The following TENM4 variants were observed in gnomAD, a reference collection of about 807,000 sequenced individuals.
TENM4 encodes teneurin transmembrane protein 4.
A neutral mutation model predicts 243.3 loss-of-function variants in TENM4; 82 were observed. That is an observed-to-expected ratio of 0.34 (90% CI 0.28 to 0.40). TENM4 has a LOEUF of 0.40. TENM4 is among the 10% of genes least tolerant of loss of function. The pLI, the probability that TENM4 is intolerant of heterozygous loss-of-function variation, is 1.00. For missense variants in TENM4, 3,138 were observed against 3,673.3 expected (o/e 0.85, Z 3.77); for synonymous variants, 1,412 against 1,456.3 (o/e 0.97, Z 0.69).
At chr11:79,165,704 G>T (rs1862895698) in intron 3 of TENM4, among the ~76,000 whole-genome samples, 1 of 152,124 alleles carries the variant, frequency 6.6e-6, no homozygotes, top group Non-Finnish European at 1.5e-5. Flanking sequence ...TGATCATAAA[G>T]TCTTTGTCTA....
chr11:78,704,727 G>A (rs1859201471), intron 27 of TENM4, among the ~76,000 whole-genome samples: 1 of 152,152 alleles, frequency 6.6e-6, no homozygotes, highest in South Asian at 2.1e-4. Flanking sequence ...TAAGATTAAA[G>A]GTGATTTTAA....
intron 1 of TENM4, among the ~76,000 whole-genome samples, chr11:79,437,440 T>A (rs1316097703): frequency 6.6e-6 from 1 of 152,010 alleles, no homozygotes; most frequent in Non-Finnish European, 1.5e-5. Flanking sequence ...GACCCTGCAC[T>A]GTGCCGCGCG....
At chr11:79,006,232 C>A (rs1858482141) in intron 6 of TENM4, among the ~76,000 whole-genome samples, 1 of 152,140 alleles carries the variant, frequency 6.6e-6, no homozygotes, top group Non-Finnish European at 1.5e-5. Context: ...TACTCAGTAC[C>A]TCCCTTTCTA....
intron 2 of TENM4, among the ~76,000 whole-genome samples, chr11:79,217,002 C>CT (rs1163172642): frequency 6.6e-6 from 1 of 152,154 alleles, no homozygotes; most frequent in African/African-American, 2.4e-5. Flanking sequence ...TGACTTCCCC[C>CT]CTCTAAGCCT....
intron 5 of TENM4, among the ~76,000 whole-genome samples, chr11:79,066,728 ACG>A (rs1228060665): frequency 4.0e-5 from 5 of 126,474 alleles, no homozygotes; most frequent in African/African-American, 1.5e-4. Flanking sequence ...TCGAGCACAC[ACG>A]CGCACGCACA....
At chr11:78,918,131 C>A (rs777643235) in intron 6 of TENM4, among the ~76,000 whole-genome samples, 36 of 152,136 alleles carry the variant, frequency 2.4e-4, no homozygotes, top group Non-Finnish European at 4.3e-4. Flanking sequence ...ATAATTTCCA[C>A]CCCTCACTGA....
chr11:78,787,817 A>G (rs1540123), intron 15 of TENM4, among the ~76,000 whole-genome samples: 125,425 of 152,210 alleles, frequency 0.82, 52,349 homozygotes, highest in Non-Finnish European at 0.88. Context: ...GGAGCTGCCC[A>G]CCCTTCACAA....
chr11:78,904,359 C>CAAAAAAAAAAAAAAAAAAAA lies in TENM4; in HGVS notation c.494-837_494-836insTTTTTTTTTTTTTTTTTTTT, dbSNP rs61503457. Among the ~76,000 whole-genome samples, 101 of 77,190 alleles carry CAAAAAAAAAAAAAAAAAAAA rather than the reference C, an allele frequency of 1.3e-3. 5 individuals carry two copies. The highest frequency in any genetic ancestry group is 7.0e-3 in the African/African-American group (92 of 13,170). 50.6% of individuals were successfully genotyped at this position (77,190 alleles called of 152,430 possible). Reference sequence around the variant, plus strand: ...TGAGCTACAGAGCAAGACTCTGTCTCAAAAAAAAAAAAAAAAGTAAAACAT... The same window carrying CAAAAAAAAAAAAAAAAAAAA: ...TGAGCTACAGAGCAAGACTCTGTCTCAAAAAAAAAAAAAAAAAAAAAAAAAAAAAAAAAAAAGTAAAACAT... On this transcript the variant is annotated intron_variant, in intron 6 of 33. Transcript: ENST00000278550.
At chr11:79,394,093 G>A (rs905645953) in intron 1 of TENM4, among the ~76,000 whole-genome samples, 1 of 152,194 alleles carries the variant, frequency 6.6e-6, no homozygotes, top group South Asian at 2.1e-4. Context: ...CCTCACCTGC[G>A]GAAATGCCCA....
chr11:79,157,006 T>C (rs1291189571), intron 3 of TENM4, among the ~76,000 whole-genome samples: 1 of 152,140 alleles, frequency 6.6e-6, no homozygotes, highest in African/African-American at 2.4e-5. Context: ...CACACAAGGA[T>C]GCTCAGTGAA....
intron 16 of TENM4, among the ~76,000 whole-genome samples, chr11:78,783,370 T>C (rs1238173599): frequency 6.6e-6 from 1 of 152,208 alleles, no homozygotes; most frequent in Non-Finnish European, 1.5e-5. Context: ...GGGTTTCATA[T>C]ATGCAAGTGG....
At chr11:79,224,625 G>A (rs1864226337) in intron 2 of TENM4, among the ~76,000 whole-genome samples, 1 of 152,136 alleles carries the variant, frequency 6.6e-6, no homozygotes, top group South Asian at 2.1e-4. Flanking sequence ...ATTAGGGCAG[G>A]CCCTAATCTA....
chr11:79,401,129 A>G (rs1260999912), intron 1 of TENM4, among the ~76,000 whole-genome samples: 2 of 152,272 alleles, frequency 1.3e-5, no homozygotes, highest in Non-Finnish European at 2.9e-5. Flanking sequence ...CAAGGGATCC[A>G]TGGAGGTATA....
intron 6 of TENM4, among the ~76,000 whole-genome samples, chr11:78,983,316 G>A (rs1857843872): frequency 6.6e-6 from 1 of 152,174 alleles, no homozygotes; most frequent in African/African-American, 2.4e-5. Flanking sequence ...ACCAAAGAGT[G>A]GGTTGCCCAC....
At chr11:79,360,641 T>A (rs556160566) in intron 1 of TENM4, among the ~76,000 whole-genome samples, 1 of 152,324 alleles carries the variant, frequency 6.6e-6, no homozygotes, top group South Asian at 2.1e-4. Flanking sequence ...TGGAGCTAAA[T>A]GCCTCTGTTT....
intron 4 of TENM4, chr11:79,092,711 C>G (rs1860989006): frequency 6.6e-6 from 1 of 152,190 alleles, no homozygotes; most frequent in African/African-American, 2.4e-5. Flanking sequence ...ATAGATCCAT[C>G]AAACATTTAC....
At chr11:78,807,226 C>T (rs1415242302) in intron 14 of TENM4, among the ~76,000 whole-genome samples, 6 of 152,142 alleles carry the variant, frequency 3.9e-5, no homozygotes, top group Admixed American at 3.3e-4. Context: ...AAAGAAATTG[C>T]TGGATCATAT....
At chr11:79,175,463 A>T (rs1374394876) in intron 3 of TENM4, among the ~76,000 whole-genome samples, 1 of 152,236 alleles carries the variant, frequency 6.6e-6, no homozygotes, top group African/African-American at 2.4e-5. Context: ...AGCTAGAGAA[A>T]TGGGAATAAA....
In TENM4 at chr11:79,011,979, C is replaced by A. The variant is rs1433223622; in HGVS notation, c.493+52759G>T. On this transcript the variant is annotated intron_variant, in intron 6 of 33. Coordinates refer to ENST00000278550, the MANE Select transcript of TENM4 (RefSeq NM_001098816.3). ...TAGCCCCCAGCCTATTTCCCACCTC[C>A]ACGCATCTTTATGTAAAAGTTGGTG... Among the ~76,000 whole-genome samples, 4 of 152,180 alleles carry A rather than the reference C, an allele frequency of 2.6e-5. No individual in the cohort carries two copies. The East Asian group carries it at 7.7e-4, about 29-fold the overall frequency.
Sources: allele counts gnomAD v4.1 joint callset (sites outside exome capture counted in the v4.1 genomes callset), GRCh38; gene constraint gnomAD v4.1.1; transcripts MANE v1.5; gene names NCBI Gene and HGNC (gene_info 2026-07-23, HGNC 2026-07-21).